NPHP4: variants seen among roughly 807,000 people sequenced by gnomAD.
NPHP4 encodes nephrocystin-4.
A neutral mutation model predicts 155.8 loss-of-function variants in NPHP4; 151 were observed. That is an observed-to-expected ratio of 0.97 (90% confidence interval 0.85 to 1.11). The LOEUF (loss-of-function observed/expected upper bound fraction) is 1.11, where lower values mean the gene tolerates loss of function less well. Ranked by LOEUF, NPHP4 falls within the 50% of genes least tolerant of loss-of-function variation. NPHP4 has a pLI of 0.00. For synonymous variants in NPHP4, 845 were observed against 816.8 expected (o/e 1.03, Z -0.59); for missense variants, 1,956 against 1,925.7 (o/e 1.02, Z -0.29).
At position 5,890,083 on chromosome 1, in the gene NPHP4, T is replaced by C. The variant is rs1341713646; in HGVS notation, c.2304+785A>G. ...GCCGTGCTTCTCAGGGGTCAGCAGCTGCTGGAGAGGACAGGAAGCCCCGGG... is the reference window on the plus strand; with the variant it reads ...GCCGTGCTTCTCAGGGGTCAGCAGCCGCTGGAGAGGACAGGAAGCCCCGGG... On this transcript the variant is annotated intron_variant, in intron 17 of 29. Coordinates refer to ENST00000378156, the MANE Select transcript of NPHP4 (RefSeq NM_015102.5). The surrounding 1 kb of genome is among the most constrained non-coding windows in gnomAD (Gnocchi z 4.9). Among the ~76,000 whole-genome samples, 1 of 151,312 alleles carries C rather than the reference T, an allele frequency of 6.6e-6. No homozygotes were observed. Among genetic ancestry groups the C allele is most frequent in the Non-Finnish European group, 1.5e-5 (1 of 67,864 alleles).
Position 5,880,196 on chromosome 1 carries a change from T to C in NPHP4, c.2529A>G (p.Pro843=), listed in dbSNP as rs765027196. ...EQKVRGCSTL[P]PSRSRVISND... ...TTGAGATGACCCGAGATCTGGACGG[T>C]GGCAATGTGCTACAACCTCTCACTT... Residue 843 remains proline, a synonymous_variant, in exon 19 of 30, where the codon CCA becomes CCG. Transcript: ENST00000378156. 1.9e-6 allele frequency: 3 copies of C among 1,613,680 alleles called. No individual in the cohort carries two copies. Among genetic ancestry groups the C allele is most frequent in the Non-Finnish European group, 2.5e-6 (3 of 1,179,740 alleles).
chr1:5,867,247 C>T lies in NPHP4; in HGVS notation c.3473-132G>A, dbSNP rs184128913. The T allele has an allele frequency of 5.9e-4, 390 of 656,676 alleles. 4 individuals carry two copies. The East Asian group carries it at 6.1e-3, about 10-fold the overall frequency. The allele number at this position is 656,676 out of a possible 1,614,324, so 40.7% of individuals were successfully genotyped here. On this transcript the variant is annotated intron_variant, in intron 24 of 29. Coordinates refer to ENST00000378156, the MANE Select transcript of NPHP4 (RefSeq NM_015102.5). This position sits in a 1 kb window ranked among gnomAD's most constrained non-coding sequence, Gnocchi z 4.1. ...CTCAGCAAGACACCTGCTGGGGAAA[C>T]GGACGCCGCCACCTTTCCCAGGACA...
chr1:5,863,868 C>A (rs1416021216), intron 29 of NPHP4, 22 bp downstream of exon 29: 1 of 1,613,338 alleles, frequency 6.2e-7, no homozygotes, highest in Non-Finnish European at 8.5e-7. Context: ...CCCTAGGAGT[C>A]CCAGGCACAG....
intron 20 of NPHP4, 25 bp from the exon 21 acceptor site, chr1:5,875,125 A>T (rs1557620058): frequency 3.9e-6 from 6 of 1,551,242 alleles, no homozygotes; most frequent in South Asian, 1.2e-5. Context: ...ACATGGGTGG[A>T]CAGGGTCCCA....
At chr1:5,962,269 T>G (rs1425263869) in intron 5 of NPHP4, among the ~76,000 whole-genome samples, 1 of 152,182 alleles carries the variant, frequency 6.6e-6, no homozygotes, top group Non-Finnish European at 1.5e-5. Context: ...AGCCTCAAAC[T>G]CCAGGGCTCA....
rs564246554 is a variant in NPHP4 at position 5,901,062 on chromosome 1, G to A, written c.2143+3555C>T. 2.0e-5 allele frequency among the ~76,000 whole-genome samples: 3 copies of A among 151,972 alleles called. No homozygotes were observed. In the South Asian group the frequency reaches 6.3e-4, roughly 32 times the overall value. On this transcript the variant is annotated intron_variant, in intron 16 of 29. Transcript: ENST00000378156. Reference sequence around the variant, plus strand: ...ATAAAACCCAAAAAAAAACAAAAAAGAATATGTCACACCAACGCAAAATGT... The same window carrying A: ...ATAAAACCCAAAAAAAAACAAAAAAAAATATGTCACACCAACGCAAAATGT...
At chr1:5,864,584 C>A (rs1203906981) in intron 27 of NPHP4, 67 bp from the exon 28 acceptor site, 1 of 1,387,302 alleles carries the variant, frequency 7.2e-7, no homozygotes, top group Non-Finnish European at 9.6e-7. Context: ...GGCTCCTGGG[C>A]GCCTGCAGCC....
chr1:5,907,678 A>G (rs1034043338), intron 12 of NPHP4, among the ~76,000 whole-genome samples: 3 of 145,122 alleles, frequency 2.1e-5, no homozygotes, highest in Middle Eastern at 3.6e-3. Context: ...AGCTGTGGAT[A>G]GAGTGCCCGT....
In NPHP4 at chr1:5,874,540, G is replaced by A. The variant is rs1410260921; in HGVS notation, c.3162C>T (p.Arg1054=). Residue 1054 remains arginine (R), a synonymous_variant, in exon 22 of 30, where the codon CGC becomes CGT. Transcript: ENST00000378156. ...RGSLAPQLYL[R]PHETAHVPFK... is the part of the protein sequence containing the mutation. ...AGGGGACGTGGGCGGTCTCGTGGGG[G>A]CGCAGGTAGAGCTGGGGGGCCAGGC... 1.3e-6 allele frequency: 2 copies of A among 1,599,570 alleles called. No homozygotes were observed. Among genetic ancestry groups the A allele is most frequent in the Non-Finnish European group, 1.7e-6 (2 of 1,173,834 alleles).
At chr1:5,895,102 T>G (rs961715105) in intron 16 of NPHP4, among the ~76,000 whole-genome samples, 1 of 151,704 alleles carries the variant, frequency 6.6e-6, no homozygotes, top group Non-Finnish European at 1.5e-5. Flanking sequence ...AAACACCGCA[T>G]GTTCTCACTC....
intron 11 of NPHP4, among the ~76,000 whole-genome samples, chr1:5,913,897 C>T (rs185336338): frequency 1.6e-3 from 237 of 152,250 alleles, no homozygotes; most frequent in Non-Finnish European, 2.6e-3. Context: ...CATTGTTACC[C>T]AGAGTAATAA....
At chr1:5,966,235 T>C (rs1466768582) in intron 5 of NPHP4, among the ~76,000 whole-genome samples, 2 of 151,484 alleles carry the variant, frequency 1.3e-5, no homozygotes, top group Non-Finnish European at 2.9e-5. Context: ...GCAAAGGGAG[T>C]GGGTTTGACG....
Position 5,880,101 on chromosome 1 carries a change from A to G in NPHP4, c.2611+13T>C. Reference sequence around the variant, plus strand: ...CGACCCACCCACACATGGGCCCAACAGTGTAAACTCACGCCTTGAGCTTCC... The same window carrying G: ...CGACCCACCCACACATGGGCCCAACGGTGTAAACTCACGCCTTGAGCTTCC... On this transcript the variant is annotated intron_variant, in intron 19 of 29. Transcript: ENST00000378156. 2 of 1,613,614 alleles carry G rather than the reference A, an allele frequency of 1.2e-6. No individual in the cohort carries two copies. Among genetic ancestry groups the G allele is most frequent in the South Asian group, 1.1e-5 (1 of 90,990 alleles).
intron 9 of NPHP4, among the ~76,000 whole-genome samples, chr1:5,941,289 C>CAAAAAAAAAAAAAAAAAAAAAAAAAAA (rs66676950): frequency 1.1e-4 from 5 of 44,776 alleles, no homozygotes; most frequent in Admixed American, 3.2e-4. Context: ...GAGATCTAGA[C>CAAAAAAAAAAAAAAAAAAAAAAAAAAA]AAAAAAAAAA....
In NPHP4 at chr1:5,892,540, T is replaced by C. The variant is rs561274005; in HGVS notation, c.2144-1512A>G. On this transcript the variant is annotated intron_variant, in intron 16 of 29. Coordinates refer to ENST00000378156, the MANE Select transcript of NPHP4 (RefSeq NM_015102.5). The surrounding 1 kb of genome is among the most constrained non-coding windows in gnomAD (Gnocchi z 4.5). ...CTGAGTAAGTGAATTAATGGTAGCATTGAAAGGCCCTGGCAGTGCTGGGGT... is the reference window on the plus strand; with the variant it reads ...CTGAGTAAGTGAATTAATGGTAGCACTGAAAGGCCCTGGCAGTGCTGGGGT... Among the ~76,000 whole-genome samples the C allele has an allele frequency of 9.2e-5, 14 of 152,198 alleles. No homozygotes were observed. The South Asian group carries it at 1.0e-3, about 11-fold the overall frequency.
intron 9 of NPHP4, among the ~76,000 whole-genome samples, chr1:5,939,808 T>C (rs1490407395): frequency 6.6e-6 from 1 of 152,196 alleles, no homozygotes; most frequent in East Asian, 1.9e-4. Flanking sequence ...GCGTTGTCTA[T>C]GAGCTTGGAT....
At chr1:5,914,286 A>AAAAAAAAAAAAAAAAAAAAAAAAG (rs70977991) in intron 11 of NPHP4, among the ~76,000 whole-genome samples, 4 of 139,874 alleles carry the variant, frequency 2.9e-5, no homozygotes, top group African/African-American at 1.2e-4. Flanking sequence ...AAAAAAAAAA[A>AAAAAAAAAAAAAAAAAAAAAAAAG]GGCCTGGTGT....
At chr1:5,928,764 T>C (rs1469021044) in intron 10 of NPHP4, among the ~76,000 whole-genome samples, 3 of 152,216 alleles carry the variant, frequency 2.0e-5, no homozygotes, top group East Asian at 3.8e-4. Flanking sequence ...TTCTAATTCC[T>C]TTAGCTTTCC....
chr1:5,875,209 C>T (rs997559513), intron 20 of NPHP4, 109 bp from the exon 21 acceptor site: 2 of 842,694 alleles, frequency 2.4e-6, no homozygotes, highest in Non-Finnish European at 3.8e-6. Flanking sequence ...CATTTCTCCA[C>T]AAGCATCGCC....
Sources: allele counts gnomAD v4.1 joint callset (sites outside exome capture counted in the v4.1 genomes callset), GRCh38; gene constraint gnomAD v4.1.1; non-coding constraint Gnocchi (gnomAD v3.1); transcripts MANE v1.5; gene names NCBI Gene and HGNC (gene_info 2026-07-23, HGNC 2026-07-21).